Variants in DNAJC8 observed in about 807,000 individuals in gnomAD.
The protein encoded by DNAJC8 is DnaJ heat shock protein family (Hsp40) member C8.
DNAJC8 carries 24 observed loss-of-function variants against 43.2 expected under a neutral mutation model. The observed-to-expected ratio is 0.56, with a 90% confidence interval of 0.40 to 0.78. The LOEUF (loss-of-function observed/expected upper bound fraction) is 0.78, where lower values mean the gene tolerates loss of function less well. Among genes scored for constraint, DNAJC8 ranks in the 30% least tolerant of loss-of-function variants. The probability of loss-of-function intolerance (pLI) is 0.00; values close to 1 mark genes in which losing one functional copy is unlikely to be tolerated. For synonymous variants in DNAJC8, 83 were observed against 98.0 expected (o/e 0.85, Z 0.90); for missense variants, 207 against 299.4 (o/e 0.69, Z 2.28).
At chr1:28,215,104 C>A in intron 2 of DNAJC8, 108 bp from the exon 3 acceptor site, 1 of 859,022 alleles carries the variant, frequency 1.2e-6, no homozygotes. Flanking sequence ...AGAATAGTAC[C>A]CCATGTTCTA....
chr1:28,210,465 G>T, intron 4 of DNAJC8, 106 bp downstream of exon 4: 1 of 979,912 alleles, frequency 1.0e-6, no homozygotes, highest in Non-Finnish European at 1.6e-6. Flanking sequence ...GCTTCTTGGT[G>T]ACCAGAAGAC....
At chr1:28,221,751 C>T (rs1646899775) in intron 2 of DNAJC8, among the ~76,000 whole-genome samples, 1 of 152,156 alleles carries the variant, frequency 6.6e-6, no homozygotes. Context: ...CCTAGGCCCT[C>T]CCCAAAATCA....
intron 1 of DNAJC8, among the ~76,000 whole-genome samples, chr1:28,229,328 A>G (rs1382616717): frequency 6.6e-6 from 1 of 152,218 alleles, no homozygotes; most frequent in Non-Finnish European, 1.5e-5. Context: ...CCAACTTGTA[A>G]GCCAGAATTT....
chr1:28,232,182 T>C (rs1646980895), intron 1 of DNAJC8, among the ~76,000 whole-genome samples: 1 of 152,156 alleles, frequency 6.6e-6, no homozygotes, highest in Non-Finnish European at 1.5e-5. Flanking sequence ...TCCTCCCGCC[T>C]GGGCCTCCCA....
intron 2 of DNAJC8, among the ~76,000 whole-genome samples, chr1:28,216,638 G>C (rs982011395): frequency 6.6e-6 from 1 of 151,604 alleles, no homozygotes; most frequent in African/African-American, 2.4e-5. Context: ...AGTGGTTCTT[G>C]AGTTAAAAAA....
chr1:28,218,786 G>A (rs1646879300), intron 2 of DNAJC8, among the ~76,000 whole-genome samples: 1 of 152,042 alleles, frequency 6.6e-6, no homozygotes, highest in Non-Finnish European at 1.5e-5. Context: ...ATGAAAATGA[G>A]AATTTTCATG....
Position 28,200,611 on chromosome 1 carries a change from A to G in DNAJC8, c.*637T>C. 3 of 456,382 alleles carry G rather than the reference A, an allele frequency of 6.6e-6. No homozygotes were observed. The allele number at this position is 456,382 out of a possible 1,614,324, so 28.3% of individuals were successfully genotyped here. A position where few individuals can be genotyped will look rare whatever the true frequency, so the allele number is the denominator to read the frequency against. On this transcript the variant is annotated 3_prime_UTR_variant, in exon 9 of 9. Transcript: ENST00000263697. Reference sequence around the variant, plus strand: ...AATATTACCACTAACAAATGCAGACAGGCTAGGACATGGTACTGGGTGGAG... The same window carrying G: ...AATATTACCACTAACAAATGCAGACGGGCTAGGACATGGTACTGGGTGGAG...
intron 8 of DNAJC8, among the ~76,000 whole-genome samples, chr1:28,203,174 A>T (rs1646748441): frequency 6.6e-6 from 1 of 152,174 alleles, no homozygotes; most frequent in Non-Finnish European, 1.5e-5. Context: ...AAACAAAGTC[A>T]TCAACTCTGA....
At chr1:28,212,648 T>A (rs990359739) in intron 3 of DNAJC8, among the ~76,000 whole-genome samples, 17 of 152,034 alleles carry the variant, frequency 1.1e-4, no homozygotes, top group African/African-American at 4.1e-4. Context: ...CATAGGTAAT[T>A]CAGATACTCA....
rs1171441400 is a variant in DNAJC8 at position 28,232,913 on chromosome 1, G to C, written c.78+8C>G. On this transcript the variant is annotated splice_region_variant and intron_variant, in intron 1 of 8. Transcript: ENST00000263697. ...CCCCGGTGCCACTACTCCTCACTCT[G>C]TGTTCACCTCACTGTAGAAGGTCAT... The C allele has an allele frequency of 6.2e-7, 1 of 1,612,616 alleles. No homozygotes were observed.
intron 4 of DNAJC8, 104 bp downstream of exon 4, chr1:28,210,467 C>T: frequency 2.0e-6 from 2 of 1,018,420 alleles, no homozygotes; most frequent in Non-Finnish European, 3.0e-6. Context: ...TTCTTGGTGA[C>T]CAGAAGACAA....
chr1:28,208,409 T>G lies in DNAJC8; in HGVS notation c.404A>C (p.Lys135Thr). The change falls in exon 6 of 9, where the codon AAA becomes ACA. Residue 135 changes from lysine to threonine, a missense_variant. Transcript: ENST00000263697. ...CTTCTTTAATTGTTTTTTTCGCTCT[T>G]TCACCTAAAAAGAATTTTTTTTCAT... Reference protein sequence around the residue: ...AGKEYVEHTVKERKKQLKKEG... With the variant: ...AGKEYVEHTVTERKKQLKKEG... 1 of 1,611,718 alleles carries G rather than the reference T, an allele frequency of 6.2e-7. No homozygotes were observed. The highest frequency in any genetic ancestry group is 8.5e-7 in the Non-Finnish European group (1 of 1,178,582).
At position 28,226,235 on chromosome 1, in the gene DNAJC8, G is replaced by A. The variant is rs186151400; in HGVS notation, c.180+2687C>T. Among the ~76,000 whole-genome samples the A allele has an allele frequency of 6.5e-4, 99 of 151,262 alleles. 1 individual carries two copies. The highest frequency in any genetic ancestry group is 1.2e-3 in the Non-Finnish European group (79 of 67,736). Reference sequence around the variant, plus strand: ...AAAACTTTTTAAAGATCTGGGTGTGGTGGCTCACGTCTGTAATCACGGCAC... The same window carrying A: ...AAAACTTTTTAAAGATCTGGGTGTGATGGCTCACGTCTGTAATCACGGCAC... On this transcript the variant is annotated intron_variant, in intron 2 of 8. Transcript: ENST00000263697.
intron 2 of DNAJC8, among the ~76,000 whole-genome samples, chr1:28,219,268 G>C (rs1256041240): frequency 6.6e-6 from 1 of 152,066 alleles, no homozygotes; most frequent in African/African-American, 2.4e-5. Flanking sequence ...CAGCACTTTG[G>C]GAGGCGGAGG....
At chr1:28,231,135 C>A (rs1223093886) in intron 1 of DNAJC8, among the ~76,000 whole-genome samples, 2 of 152,140 alleles carry the variant, frequency 1.3e-5, no homozygotes, top group Non-Finnish European at 2.9e-5. Context: ...CTTTGGGAGG[C>A]CAAGACGGGA....
intron 2 of DNAJC8, among the ~76,000 whole-genome samples, chr1:28,220,031 G>A (rs368011453): frequency 1.6e-4 from 24 of 152,204 alleles, no homozygotes; most frequent in South Asian, 6.2e-4. Context: ...GTGGTTACAC[G>A]GAATTGTTCT....
chr1:28,220,202 G>T (rs1256098495), intron 2 of DNAJC8, among the ~76,000 whole-genome samples: 1 of 152,208 alleles, frequency 6.6e-6, no homozygotes, highest in Admixed American at 6.5e-5. Context: ...AGTTATATCA[G>T]AACAAATATT....
At chr1:28,206,675 T>C (rs1157695139) in intron 6 of DNAJC8, among the ~76,000 whole-genome samples, 3 of 152,242 alleles carry the variant, frequency 2.0e-5, no homozygotes, top group Non-Finnish European at 4.4e-5. Context: ...TATGTTATTC[T>C]ACCTTTAAAT....
rs201782610 is a variant in DNAJC8 at position 28,212,168 on chromosome 1, AATATATATATATATATATATATATAT to A, written c.238-1557_238-1532del. 1.5e-3 allele frequency among the ~76,000 whole-genome samples: 45 copies of A among 31,022 alleles called. 1 individual carries two copies. The East Asian group carries it at 0.02, about 14-fold the overall frequency. 20.4% of individuals were successfully genotyped at this position (31,022 alleles called of 152,430 possible). Reference sequence around the variant, plus strand: ...CGGACTCCGTCTCAATAAATAAATAAATATATATATATATATATATATATATATATATATATATATATATATAAATG... The same window carrying A: ...CGGACTCCGTCTCAATAAATAAATAAATATATATATATATATATATAAATG... On this transcript the variant is annotated intron_variant, in intron 3 of 8. Coordinates refer to ENST00000263697, the MANE Select transcript of DNAJC8 (RefSeq NM_014280.3).
Sources: gnomAD v4.1 joint callset for allele counts (sites outside exome capture counted in the v4.1 genomes callset) on GRCh38, gnomAD v4.1.1 for gene constraint, MANE v1.5 for transcripts, NCBI Gene and HGNC (gene_info 2026-07-23, HGNC 2026-07-21) for gene names.